The following KMT2E variants were observed in gnomAD, a reference collection of about 807,000 sequenced individuals.
KMT2E encodes lysine methyltransferase 2E (inactive).
In KMT2E, 30 loss-of-function variants were observed where a neutral mutation model predicts 184.6. The ratio of observed to expected loss-of-function variants is 0.16; its 90% CI spans 0.12 to 0.22. The LOEUF (loss-of-function observed/expected upper bound fraction) is 0.22. Ranked by LOEUF, KMT2E falls within the 10% of genes least tolerant of loss-of-function variation. The pLI, the probability that KMT2E is intolerant of heterozygous loss-of-function variation, is 1.00. For missense variants in KMT2E, 2,023 were observed against 2,237.4 expected, an observed-to-expected ratio of 0.90 and a Z score of 1.93; for synonymous variants, 815 against 776.5, an observed-to-expected ratio of 1.05 and a Z score of -0.82.
At chr7:105,092,755 T>G (rs1798256993) in intron 15 of KMT2E, among the ~76,000 whole-genome samples, 1 of 152,236 alleles carries the variant, frequency 6.6e-6, no homozygotes, top group Non-Finnish European at 1.5e-5. Flanking sequence ...ATTCTTCAAC[T>G]GACACAGCCT....
chr7:105,097,110 T>G (rs1051836011), intron 15 of KMT2E, among the ~76,000 whole-genome samples: 1 of 152,222 alleles, frequency 6.6e-6, no homozygotes, highest in African/African-American at 2.4e-5. Context: ...GAATCCATGC[T>G]GTTACTAAAT....
chr7:105,109,419 C>G lies in KMT2E; in HGVS notation c.3755+191C>G, dbSNP rs143101423. ...TCTTAAATGTCGATTGTATTTATTC[C>G]TTGGTAATTTATTCATACTTTACAC... On this transcript the variant is annotated intron_variant, in intron 23 of 26. Coordinates refer to ENST00000311117, the MANE Select transcript of KMT2E (RefSeq NM_182931.3). Among the ~76,000 whole-genome samples, 120 of 152,266 alleles carry G rather than the reference C, an allele frequency of 7.9e-4. 3 individuals carry two copies. The East Asian group carries it at 0.022, about 28-fold the overall frequency.
intron 2 of KMT2E, 62 bp downstream of exon 2, chr7:105,038,261 A>G (rs1795744325): frequency 2.6e-5 from 4 of 152,066 alleles, no homozygotes; most frequent in Admixed American, 1.3e-4. Flanking sequence ...TTTTGTACAT[A>G]TTTTACTTGT....
intron 3 of KMT2E, among the ~76,000 whole-genome samples, chr7:105,060,281 G>T (rs1266224715): frequency 2.6e-5 from 4 of 151,958 alleles, no homozygotes; most frequent in East Asian, 3.9e-4. Flanking sequence ...GTGAATATTG[G>T]TTTTCAAAGT....
At chr7:105,062,036 C>T (rs920182276) in intron 3 of KMT2E, 128 bp from the exon 4 acceptor site, 1 of 648,242 alleles carries the variant, frequency 1.5e-6, no homozygotes. Flanking sequence ...AGTGTATCCA[C>T]CTGCTGTAAG....
In KMT2E at chr7:105,096,725, A is replaced by AT. The variant is rs775554196; in HGVS notation, c.1723-4699dup. Among the ~76,000 whole-genome samples the AT allele has an allele frequency of 3.6e-4, 55 of 152,360 alleles. No individual in the cohort carries two copies. In the East Asian group the frequency reaches 6.9e-3, roughly 19 times the overall value. ...GTTTATAACAACCACTTGAGGAAAG[A>AT]TAGACAGACAGATACAGGCCCATGA... is the stretch of plus-strand genomic sequence containing the variant. On this transcript the variant is annotated intron_variant, in intron 15 of 26. Transcript: ENST00000311117.
At chr7:105,025,708 C>T (rs932137081) in intron 1 of KMT2E, among the ~76,000 whole-genome samples, 1 of 152,072 alleles carries the variant, frequency 6.6e-6, no homozygotes, top group Non-Finnish European at 1.5e-5. Context: ...TTATATTATT[C>T]TACTAAGTAT....
At chr7:105,097,275 T>C (rs774760172) in intron 15 of KMT2E, among the ~76,000 whole-genome samples, 1 of 151,794 alleles carries the variant, frequency 6.6e-6, no homozygotes, top group Non-Finnish European at 1.5e-5. Flanking sequence ...CCGTTGATGC[T>C]GATTTTTTTT....
At position 105,073,652 on chromosome 7, in the gene KMT2E, A is replaced by G. The variant is rs754517302; in HGVS notation, c.531A>G (p.Gln177=). ...NLDKERAVLL[Q]RRKRENMSDG... The stretch of plus-strand genomic sequence containing the variant: ...ATAAAGAGAGGGCAGTGCTACTACA[A>G]CGCCGGAAAAGGGAAAATATGTCAG... Residue 177 remains glutamine (Q), a synonymous_variant, in exon 7 of 27, where the codon CAA becomes CAG. Transcript: ENST00000311117. 7 of 1,606,572 alleles carry G rather than the reference A, an allele frequency of 4.4e-6. No homozygotes were observed. Among genetic ancestry groups the G allele is most frequent in the Admixed American group, 3.3e-5 (2 of 59,940 alleles).
In KMT2E at chr7:105,014,423, C is replaced by T. The variant is rs566958028; in HGVS notation, c.-301C>T. On this transcript the variant is annotated 5_prime_UTR_variant, in exon 1 of 27. Transcript: ENST00000311117. ...GGGAGGGGGTGTGTGGAGCCGGGTC[C>T]TGTGTCCGCAGTGGCTGCTGTCGGG... 17 of 153,604 alleles carry T rather than the reference C, an allele frequency of 1.1e-4. 1 individual carries two copies. In the South Asian group the frequency reaches 3.5e-3, roughly 31 times the overall value. The allele number at this position is 153,604 out of a possible 1,614,324, so 9.5% of individuals were successfully genotyped here.
At chr7:105,070,431 G>A (rs1355285836) in intron 6 of KMT2E, among the ~76,000 whole-genome samples, 1 of 151,608 alleles carries the variant, frequency 6.6e-6, no homozygotes, top group Non-Finnish European at 1.5e-5. Flanking sequence ...AGGAGTTTGA[G>A]ACCAGCCTAG....
At chr7:105,042,194 T>C (rs953556258) in intron 3 of KMT2E, among the ~76,000 whole-genome samples, 2 of 152,132 alleles carry the variant, frequency 1.3e-5, no homozygotes, top group Non-Finnish European at 2.9e-5. Context: ...TTTCACCACA[T>C]TGACCAGGCT....
At chr7:105,046,878 A>G (rs1796129079) in intron 3 of KMT2E, among the ~76,000 whole-genome samples, 2 of 152,198 alleles carry the variant, frequency 1.3e-5, no homozygotes, top group South Asian at 4.1e-4. Flanking sequence ...TTAAAAGTTG[A>G]TGTGTCAAAT....
Position 105,109,150 on chromosome 7 carries a change from C to G in KMT2E, c.3677C>G (p.Ala1226Gly). The G allele has an allele frequency of 6.2e-7, 1 of 1,614,130 alleles. No individual in the cohort carries two copies. The highest frequency in any genetic ancestry group is 8.5e-7 in the Non-Finnish European group (1 of 1,179,986). ...CCAACACCAGCTACAGTTTATAATG[C>G]CACTTCTGAAGAAACTAGCAATAAC... ...PLPTPATVYN[A>G]TSEETSNNCP... Residue 1226 changes from alanine to glycine, a missense_variant, in exon 23 of 27, where the codon GCC (alanine) becomes GGC (glycine). By Grantham distance (60) the Ala-to-Gly change is moderately conservative. This residue lies in a region of KMT2E where 1,108 missense variants were observed against 1,050.9 expected (regional missense o/e 1.05). Transcript: ENST00000311117.
chr7:105,017,127 G>A (rs1369727225), intron 1 of KMT2E, among the ~76,000 whole-genome samples: 28 of 152,096 alleles, frequency 1.8e-4, no homozygotes, highest in Admixed American at 1.8e-3. Context: ...TAAGGTCTGT[G>A]GTTCAGAAGC....
intron 15 of KMT2E, among the ~76,000 whole-genome samples, chr7:105,100,437 AGGAGGAAAGACAAAT>A (rs904812888): frequency 4.6e-5 from 7 of 152,272 alleles, no homozygotes; most frequent in African/African-American, 1.4e-4. Context: ...TGTGTAATAA[AGGAGGAAAGACAAAT>A]GGATCTGAGC....
At chr7:105,063,880 T>G (rs530179495) in intron 5 of KMT2E, 1 of 464,956 alleles carries the variant, frequency 2.2e-6, no homozygotes, top group East Asian at 5.4e-5. Flanking sequence ...GTAGACAAGA[T>G]AGAAATGAGA....
At chr7:105,111,469 T>C (rs1799269488) in intron 26 of KMT2E, among the ~76,000 whole-genome samples, 1 of 152,056 alleles carries the variant, frequency 6.6e-6, no homozygotes, top group African/African-American at 2.4e-5. Context: ...GGTATAGAAA[T>C]TTCAATTATA....
intron 6 of KMT2E, among the ~76,000 whole-genome samples, chr7:105,067,066 TAAAAA>T (rs11457088): frequency 4.9e-4 from 57 of 115,472 alleles, no homozygotes; most frequent in African/African-American, 1.9e-3. Context: ...CTTTTTTTTT[TAAAAA>T]AAAAAAAAAA....
Sources: allele counts gnomAD v4.1 joint callset (sites outside exome capture counted in the v4.1 genomes callset), GRCh38; gene constraint gnomAD v4.1.1; regional missense constraint gnomAD v4.1.1; transcripts MANE v1.5; gene names NCBI Gene and HGNC (gene_info 2026-07-23, HGNC 2026-07-21).